The following SSX2IP variants were observed in gnomAD, a reference collection of about 807,000 sequenced individuals.
SSX2IP encodes afadin- and alpha-actinin-binding protein.
Under a neutral mutation model 84.9 loss-of-function variants are expected in SSX2IP, and 55 were observed. That is an observed-to-expected ratio of 0.65 (90% CI 0.52 to 0.81). The LOEUF (loss-of-function observed/expected upper bound fraction) is 0.81, where lower values mean the gene tolerates loss of function less well. SSX2IP is among the 30% of genes least tolerant of loss of function. The pLI is 0.00. For synonymous variants in SSX2IP, 239 were observed against 234.7 expected, an observed-to-expected ratio of 1.02 and a Z score of -0.17; for missense variants, 664 against 705.2, an observed-to-expected ratio of 0.94 and a Z score of 0.66.
intron 1 of SSX2IP, among the ~76,000 whole-genome samples, chr1:84,684,413 A>G (rs1160229625): frequency 6.6e-6 from 1 of 152,252 alleles, no homozygotes; most frequent in Non-Finnish European, 1.5e-5. Context: ...AGGGTCCTAC[A>G]AAATGGATTC....
chr1:84,674,434 A>G (rs995561559), intron 1 of SSX2IP, among the ~76,000 whole-genome samples: 22 of 152,340 alleles, frequency 1.4e-4, no homozygotes, highest in African/African-American at 5.3e-4. Flanking sequence ...ATAAAAACAC[A>G]GTAAGCAGTG....
chr1:84,650,647 T>A (rs1416078198), intron 12 of SSX2IP, 120 bp from the exon 13 acceptor site: 2 of 1,016,472 alleles, frequency 2.0e-6, no homozygotes, highest in Admixed American at 4.1e-5. Flanking sequence ...TGGAACAAAT[T>A]CAAATTAATT....
Position 84,671,241 on chromosome 1 carries a change from A to G in SSX2IP, c.-22T>C, listed in dbSNP as rs754538920. 43 of 1,607,902 alleles carry G rather than the reference A, an allele frequency of 2.7e-5. No individual in the cohort carries two copies. Among genetic ancestry groups the G allele is most frequent in the Admixed American group, 5.1e-5 (3 of 59,212 alleles). On this transcript the variant is annotated 5_prime_UTR_variant, in exon 2 of 14. Transcript: ENST00000342203. ...CCATAGCAATCTCTAGAGCCAGGAT[A>G]CCTGAGGAACTAGTTCAGCAGTTAA...
chr1:84,658,477 G>C lies in SSX2IP; in HGVS notation c.928-9C>G, dbSNP rs200398072. The stretch of plus-strand genomic sequence containing the variant: ...TCAACATCGGAAATAACCTACAAGC[G>C]GAGAGAGATGAAGAGGAAAGGCTAG... On this transcript the variant is annotated splice_polypyrimidine_tract_variant and intron_variant, in intron 8 of 13. Coordinates refer to ENST00000342203, the MANE Select transcript of SSX2IP (RefSeq NM_001166293.2). 3 of 1,612,104 alleles carry C rather than the reference G, an allele frequency of 1.9e-6. No homozygotes were observed. The highest frequency in any genetic ancestry group is 2.5e-6 in the Non-Finnish European group (3 of 1,178,970).
Position 84,669,842 on chromosome 1 carries a change from C to G in SSX2IP, c.265G>C (p.Glu89Gln), listed in dbSNP as rs1313923337. The G allele has an allele frequency of 6.2e-7, 1 of 1,613,492 alleles. No individual in the cohort carries two copies. Among genetic ancestry groups the G allele is most frequent in the Non-Finnish European group, 8.5e-7 (1 of 1,179,636 alleles). ...ACTATATTTAACTCTCTCTTTGTCT[C>G]TTTACCTTTGGATTCTTCATATAAT... ...PSLYEESKGK[E>Q]TKRELNIVAV... is the part of the protein sequence containing the mutation. The change falls in exon 4 of 14, where the codon GAG becomes CAG. Residue 89 changes from glutamate to glutamine, a missense_variant. Physicochemically the swap from Glu to Gln is conservative, Grantham distance 29. Coordinates refer to ENST00000342203, the MANE Select transcript of SSX2IP (RefSeq NM_001166293.2).
At position 84,654,044 on chromosome 1, in the gene SSX2IP, G is replaced by C. The variant is rs924035724; in HGVS notation, c.1389+1788C>G. On this transcript the variant is annotated intron_variant, in intron 11 of 13. Transcript: ENST00000342203. The stretch of plus-strand genomic sequence containing the variant: ...CGTGATCTCTAAGATAAAGGTAAGA[G>C]AATATCCCAGAATTGAGAACAAAAG... Among the ~76,000 whole-genome samples the C allele has an allele frequency of 6.4e-4, 97 of 152,132 alleles. 1 individual carries two copies. The highest frequency in any genetic ancestry group is 7.5e-4 in the Non-Finnish European group (51 of 67,980).
At chr1:84,676,719 C>CTTTTTT (rs61017474) in intron 1 of SSX2IP, among the ~76,000 whole-genome samples, 5,996 of 99,314 alleles carry the variant, frequency 0.06, 566 homozygotes, top group Non-Finnish European at 0.078. Flanking sequence ...TGCTCTTTTC[C>CTTTTTT]TTTTTTTTTT....
intron 1 of SSX2IP, among the ~76,000 whole-genome samples, chr1:84,672,870 A>G (rs949656784): frequency 1.3e-5 from 2 of 152,114 alleles, no homozygotes; most frequent in African/African-American, 4.8e-5. Context: ...TACTGAAAAT[A>G]CAAAACTTAG....
chr1:84,662,039 G>C (rs561801538), intron 8 of SSX2IP, among the ~76,000 whole-genome samples, 159 bp downstream of exon 8: 1 of 152,200 alleles, frequency 6.6e-6, no homozygotes, highest in East Asian at 1.9e-4. Flanking sequence ...AAACACATAG[G>C]AACAGTCTTT....
intron 1 of SSX2IP, among the ~76,000 whole-genome samples, chr1:84,684,802 C>A (rs550837417): frequency 6.6e-6 from 1 of 151,974 alleles, no homozygotes; most frequent in South Asian, 2.1e-4. Flanking sequence ...ACTTCAGTGA[C>A]ACATAATATA....
intron 2 of SSX2IP, among the ~76,000 whole-genome samples, 180 bp downstream of exon 2, chr1:84,670,997 T>G (rs1653493154): frequency 6.6e-6 from 1 of 152,176 alleles, no homozygotes; most frequent in African/African-American, 2.4e-5. Context: ...TGATATACTT[T>G]TTTTTCCAAA....
At chr1:84,666,586 C>G (rs1652805016) in intron 4 of SSX2IP, among the ~76,000 whole-genome samples, 1 of 152,058 alleles carries the variant, frequency 6.6e-6, no homozygotes. Context: ...AAGATCTCCT[C>G]AAGTACAGCA....
intron 3 of SSX2IP, 188 bp from the exon 4 acceptor site, chr1:84,670,081 G>T: frequency 1.9e-6 from 1 of 519,984 alleles, no homozygotes; most frequent in Non-Finnish European, 3.4e-6. Flanking sequence ...CACAAAAAAT[G>T]ATATAAGTAT....
chr1:84,690,194 G>T (rs1295667388), intron 1 of SSX2IP, 177 bp downstream of exon 1: 1 of 152,184 alleles, frequency 6.6e-6, no homozygotes, highest in African/African-American at 2.4e-5. Flanking sequence ...GTCGACGCTC[G>T]CCCGCACCCT....
chr1:84,665,334 A>C (rs1354157435), intron 5 of SSX2IP, among the ~76,000 whole-genome samples: 2 of 152,178 alleles, frequency 1.3e-5, no homozygotes, highest in Admixed American at 1.3e-4. Flanking sequence ...CTTACTAAAT[A>C]TACTACTAAA....
At chr1:84,685,544 G>A (rs565170118) in intron 1 of SSX2IP, among the ~76,000 whole-genome samples, 2 of 152,322 alleles carry the variant, frequency 1.3e-5, no homozygotes, top group South Asian at 2.1e-4. Context: ...AGAAACTGAG[G>A]CAACAGATTA....
chr1:84,679,701 G>A (rs1654819097), intron 1 of SSX2IP, among the ~76,000 whole-genome samples: 1 of 152,114 alleles, frequency 6.6e-6, no homozygotes, highest in African/African-American at 2.4e-5. Flanking sequence ...AGTAAGAGGT[G>A]GAAAACTAAG....
chr1:84,677,804 T>G (rs138422889), intron 1 of SSX2IP, among the ~76,000 whole-genome samples: 50 of 152,192 alleles, frequency 3.3e-4, no homozygotes, highest in African/African-American at 1.2e-3. Context: ...GCCATACAAG[T>G]GAGTTTAGAA....
intron 12 of SSX2IP, 81 bp from the exon 13 acceptor site, chr1:84,650,608 T>G: frequency 6.9e-7 from 1 of 1,449,990 alleles, no homozygotes; most frequent in Non-Finnish European, 9.6e-7. Context: ...TCAGGATGAT[T>G]CATCTGCGGT....
Sources: gnomAD v4.1 joint callset for allele counts (sites outside exome capture counted in the v4.1 genomes callset) on GRCh38, gnomAD v4.1.1 for gene constraint, MANE v1.5 for transcripts, NCBI Gene and HGNC (gene_info 2026-07-23, HGNC 2026-07-21) for gene names.